The following ITIH2 variants were observed in gnomAD, a reference collection of about 807,000 sequenced individuals.
ITIH2 encodes inter-alpha-trypsin inhibitor heavy chain H2.
ITIH2 carries 103 observed loss-of-function variants against 104.4 expected under a neutral mutation model. The ratio of observed to expected loss-of-function variants is 0.99; its 90% CI spans 0.84 to 1.16. The LOEUF (loss-of-function observed/expected upper bound fraction) is 1.16. Ranked by LOEUF, ITIH2 falls within the 50% of genes most tolerant of loss-of-function variation. The pLI, the probability that ITIH2 is intolerant of heterozygous loss-of-function variation, is 0.00. For missense variants in ITIH2, 1,108 were observed against 1,162.4 expected (o/e 0.95, Z 0.68); for synonymous variants, 436 against 435.4 (o/e 1.00, Z -0.02).
intron 5 of ITIH2, 117 bp from the exon 6 acceptor site, chr10:7,717,509 A>G: frequency 1.2e-6 from 1 of 863,174 alleles, no homozygotes; most frequent in Non-Finnish European, 1.9e-6. Context: ...GTTCACTTTC[A>G]TGAACTACTG....
intron 20 of ITIH2, among the ~76,000 whole-genome samples, chr10:7,748,517 C>T (rs1835201961): frequency 2.4e-5 from 1 of 42,066 alleles, no homozygotes; most frequent in Non-Finnish European, 6.0e-5. Flanking sequence ...GCCGCCAATG[C>T]ATTCTTTTTT....
intron 11 of ITIH2, among the ~76,000 whole-genome samples, chr10:7,728,261 T>C (rs1458642111): frequency 2.6e-5 from 4 of 152,318 alleles, no homozygotes; most frequent in Admixed American, 1.3e-4. Context: ...CTTCTCCCGG[T>C]TGCACCTGGA....
intron 8 of ITIH2, among the ~76,000 whole-genome samples, chr10:7,722,907 G>C (rs979361401): frequency 3.9e-5 from 6 of 152,230 alleles, no homozygotes; most frequent in African/African-American, 1.4e-4. Flanking sequence ...TTCACCGCTG[G>C]TTAGCAGGGC....
In ITIH2 at chr10:7,746,641, G is replaced by A. The variant is rs1030418074; in HGVS notation, c.2630G>A (p.Gly877Glu). The change falls in exon 20 of 21, where the codon GGA becomes GAA. Residue 877 changes from glycine (G) to glutamate (E), a missense_variant. Physicochemically the swap from Gly to Glu is moderately conservative, Grantham distance 98. Coordinates refer to ENST00000358415, the MANE Select transcript of ITIH2 (RefSeq NM_002216.3). Reference sequence around the variant, plus strand: ...ATACACATCTTCAATGAGAGACCAGGAAAGGACCCTGAGAAGCCAGAGGCC... The same window carrying A: ...ATACACATCTTCAATGAGAGACCAGAAAAGGACCCTGAGAAGCCAGAGGCC... The part of the protein sequence containing the change: ...PKIHIFNERP[G>E]KDPEKPEASM... 3 of 1,613,930 alleles carry A rather than the reference G, an allele frequency of 1.9e-6. No individual in the cohort carries two copies. Among genetic ancestry groups the A allele is most frequent in the Non-Finnish European group, 2.5e-6 (3 of 1,179,976 alleles).
At chr10:7,707,557 G>A (rs12261544) in intron 3 of ITIH2, among the ~76,000 whole-genome samples, 1 of 151,642 alleles carries the variant, frequency 6.6e-6, no homozygotes, top group Non-Finnish European at 1.5e-5. Flanking sequence ...TTATTTTTAC[G>A]TTTTCATTTT....
At chr10:7,724,217 C>CA (rs547242840) in intron 9 of ITIH2, among the ~76,000 whole-genome samples, 106 of 152,156 alleles carry the variant, frequency 7.0e-4, no homozygotes, top group African/African-American at 2.3e-3. Flanking sequence ...AGTCATAGGG[C>CA]AACTATTTTT....
chr10:7,743,402 T>C (rs1210495792), intron 17 of ITIH2, 143 bp downstream of exon 17: 2 of 546,728 alleles, frequency 3.7e-6, no homozygotes, highest in Admixed American at 7.8e-5. Flanking sequence ...TATAAATATA[T>C]TCTTAACTAT....
At chr10:7,727,151 C>T (rs1453885993) in intron 10 of ITIH2, 33 bp downstream of exon 10, 2 of 1,566,446 alleles carry the variant, frequency 1.3e-6, no homozygotes, top group Admixed American at 1.7e-5. Context: ...CAAGGAGACA[C>T]TTCCTCTGGG....
At chr10:7,742,348 G>T (rs1564307395) in intron 16 of ITIH2, among the ~76,000 whole-genome samples, 1 of 152,272 alleles carries the variant, frequency 6.6e-6, no homozygotes, top group African/African-American at 2.4e-5. Context: ...GGAGTAGCTT[G>T]ATTCTTCATT....
intron 4 of ITIH2, among the ~76,000 whole-genome samples, chr10:7,711,052 A>G (rs1223300148): frequency 1.3e-5 from 2 of 151,912 alleles, no homozygotes; most frequent in South Asian, 2.1e-4. Flanking sequence ...TAAGCCCCAC[A>G]TGCGTTAGCT....
intron 12 of ITIH2, among the ~76,000 whole-genome samples, chr10:7,730,424 G>A (rs538166561): frequency 2.9e-4 from 44 of 152,274 alleles, no homozygotes; most frequent in African/African-American, 1.1e-3. Flanking sequence ...TAGCTCTCCT[G>A]CCCCACCAGC....
chr10:7,747,571 G>A (rs1835191352), intron 20 of ITIH2, among the ~76,000 whole-genome samples: 1 of 152,122 alleles, frequency 6.6e-6, no homozygotes, highest in African/African-American at 2.4e-5. Flanking sequence ...AATGTTAATA[G>A]TAAGTTATCT....
intron 14 of ITIH2, 74 bp from the exon 15 acceptor site, chr10:7,734,848 A>T: frequency 7.5e-7 from 1 of 1,331,878 alleles, no homozygotes; most frequent in Non-Finnish European, 1.0e-6. Flanking sequence ...GGTGGGGTGC[A>T]GGGTCAGGGA....
intron 9 of ITIH2, among the ~76,000 whole-genome samples, chr10:7,724,935 C>G (rs1341393003): frequency 6.6e-6 from 1 of 152,138 alleles, no homozygotes; most frequent in African/African-American, 2.4e-5. Flanking sequence ...TTCCTTCCAT[C>G]ACTCATTCAT....
intron 16 of ITIH2, 22 bp from the exon 17 acceptor site, chr10:7,743,124 G>T: frequency 9.1e-7 from 1 of 1,101,362 alleles, no homozygotes; most frequent in Non-Finnish European, 1.3e-6. Flanking sequence ...TTTTGTTTAC[G>T]TTTTCTTTGT....
chr10:7,737,662 ATATTATATTCTATATTTTC>A lies in ITIH2; in HGVS notation c.1958-955_1958-937del, dbSNP rs1564305568. On this transcript the variant is annotated intron_variant, in intron 15 of 20. Transcript: ENST00000358415. ...TATAGAATATTCTATATTATATTCT[ATATTATATTCTATATTTTC>A]TATATTATATTCTATATAATATTCT... Among the ~76,000 whole-genome samples the A allele has an allele frequency of 2.0e-4, 7 of 34,186 alleles. 1 individual carries two copies. Among genetic ancestry groups the A allele is most frequent in the African/African-American group, 5.0e-4 (5 of 9,958 alleles). The allele number at this position is 34,186 out of a possible 152,430, so 22.4% of individuals were successfully genotyped here.
At chr10:7,724,579 A>G (rs531289967) in intron 9 of ITIH2, among the ~76,000 whole-genome samples, 1 of 148,856 alleles carries the variant, frequency 6.7e-6, no homozygotes, top group South Asian at 2.1e-4. Context: ...TCAAAAAAAA[A>G]AAAAAAAAGA....
At chr10:7,744,038 T>C (rs753386813) in intron 17 of ITIH2, 44 bp from the exon 18 acceptor site, 25 of 1,497,138 alleles carry the variant, frequency 1.7e-5, no homozygotes, top group Non-Finnish European at 2.1e-5. Flanking sequence ...ACATGCAAAA[T>C]AAATGGCACA....
intron 16 of ITIH2, among the ~76,000 whole-genome samples, chr10:7,740,839 A>G (rs968559742): frequency 3.9e-5 from 6 of 152,220 alleles, no homozygotes; most frequent in Non-Finnish European, 8.8e-5. Context: ...AGCTGTTATC[A>G]CTGACCAGTG....
Sources: gnomAD v4.1 joint callset for allele counts (sites outside exome capture counted in the v4.1 genomes callset) on GRCh38, gnomAD v4.1.1 for gene constraint, MANE v1.5 for transcripts, NCBI Gene and HGNC (gene_info 2026-07-23, HGNC 2026-07-21) for gene names.